The following KCTD3 variants were observed in gnomAD, a reference collection of about 807,000 sequenced individuals.
KCTD3 encodes BTB/POZ domain-containing protein KCTD3.
Under a neutral mutation model 85.8 loss-of-function variants are expected in KCTD3, and 41 were observed. The observed-to-expected ratio is 0.48, with a 90% CI of 0.37 to 0.62. The LOEUF (loss-of-function observed/expected upper bound fraction) is 0.62. Ranked by LOEUF, KCTD3 falls within the 20% of genes least tolerant of loss-of-function variation. The pLI is 0.00. For synonymous variants in KCTD3, 338 were observed against 345.4 expected, an observed-to-expected ratio of 0.98 and a Z score of 0.24; for missense variants, 724 against 989.9, an observed-to-expected ratio of 0.73 and a Z score of 3.60.
intron 9 of KCTD3, among the ~76,000 whole-genome samples, chr1:215,591,287 TTTCCTTCCTTCCTTCC>T (rs10592000): frequency 0.011 from 1,192 of 111,030 alleles, 14 homozygotes; most frequent in East Asian, 0.02. Context: ...TCCTTCCTTC[TTTCCTTCCTTCCTTCC>T]TTCCTTCCTT....
chr1:215,570,027 A>G (rs1382460770), intron 1 of KCTD3, among the ~76,000 whole-genome samples: 1 of 152,236 alleles, frequency 6.6e-6, no homozygotes, highest in Non-Finnish European at 1.5e-5. Context: ...TTTTAGAGCT[A>G]GATGAGATCT....
Position 215,577,746 on chromosome 1 carries a change from A to T in KCTD3, c.316+18A>T, listed in dbSNP as rs553442573. On this transcript the variant is annotated intron_variant, in intron 5 of 17. Coordinates refer to ENST00000259154, the MANE Select transcript of KCTD3 (RefSeq NM_016121.5). Reference sequence around the variant, plus strand: ...TCCATTAGGTATGTGCTCTTTTAATATTTGGTGTTTATGATTTGACTCATG... The same window carrying T: ...TCCATTAGGTATGTGCTCTTTTAATTTTTGGTGTTTATGATTTGACTCATG... 65 of 1,555,702 alleles carry T rather than the reference A, an allele frequency of 4.2e-5. 1 individual carries two copies. In the South Asian group the frequency reaches 7.2e-4, roughly 17 times the overall value.
At position 215,578,075 on chromosome 1, in the gene KCTD3, C is replaced by T. The variant is rs1659657246; in HGVS notation, c.391C>T (p.Pro131Ser). 5 of 1,609,270 alleles carry T rather than the reference C, an allele frequency of 3.1e-6. No homozygotes were observed. The East Asian group carries it at 1.1e-4, about 36-fold the overall frequency. ...TGTCCTTTTTCATGGTTACTTGCCCCCACCAGGTATTTTCACTTTATTAAA... is the reference window on the plus strand; with the variant it reads ...TGTCCTTTTTCATGGTTACTTGCCCTCACCAGGTATTTTCACTTTATTAAA... ...GSVLFHGYLP[P>S]PGIPSRKINN... Residue 131 changes from proline to serine, a missense_variant, in exon 6 of 18, where the codon CCA (proline) becomes TCA (serine). This residue lies in a region of KCTD3 where 106 missense variants were observed against 98.2 expected (regional missense o/e 1.08). Transcript: ENST00000259154.
chr1:215,602,575 A>G (rs1183441429), intron 12 of KCTD3, among the ~76,000 whole-genome samples: 2 of 152,092 alleles, frequency 1.3e-5, no homozygotes, highest in African/African-American at 4.8e-5. Context: ...TTCTTAGACT[A>G]CTGCTGGAAA....
chr1:215,581,455 G>T (rs540238535), intron 8 of KCTD3, among the ~76,000 whole-genome samples: 1 of 152,130 alleles, frequency 6.6e-6, no homozygotes, highest in Non-Finnish European at 1.5e-5. Context: ...GTAGACCCTT[G>T]TTTACATATT....
intron 15 of KCTD3, among the ~76,000 whole-genome samples, chr1:215,616,656 A>G (rs528480781): frequency 2.6e-5 from 4 of 152,288 alleles, no homozygotes; most frequent in African/African-American, 9.6e-5. Flanking sequence ...GCTACTCAGG[A>G]GGCTGAGGCA....
At chr1:215,580,125 C>A (rs532616941) in intron 8 of KCTD3, 126 bp downstream of exon 8, 7 of 628,348 alleles carry the variant, frequency 1.1e-5, no homozygotes, top group Non-Finnish European at 2.0e-5. Flanking sequence ...CATATTTTAC[C>A]CATGTCTGTA....
At chr1:215,595,509 T>A (rs1660386846) in intron 10 of KCTD3, 38 bp downstream of exon 10, 1 of 1,188,456 alleles carries the variant, frequency 8.4e-7, no homozygotes, top group Non-Finnish European at 1.3e-6. Flanking sequence ...AAAATATTTC[T>A]GAAATGTATG....
Position 215,567,713 on chromosome 1 carries a change from C to T in KCTD3, c.28C>T (p.Pro10Ser). ...GGCGGGAGGGCACTGCGGCAGCTTC[C>T]CCGCGGCGGCGGCCGGCAGCGGCGA... MAGGHCGSF[P>S]AAAAGSGEIV... is the part of the protein sequence containing the mutation. Residue 10 changes from proline to serine, a missense_variant, in exon 1 of 18, where the codon CCC (proline) becomes TCC (serine). Coordinates refer to ENST00000259154, the MANE Select transcript of KCTD3 (RefSeq NM_016121.5). 1 of 1,242,722 alleles carries T rather than the reference C, an allele frequency of 8.0e-7. No individual in the cohort carries two copies. The highest frequency in any genetic ancestry group is 4.1e-5 in the South Asian group (1 of 24,406). The allele number at this position is 1,242,722 out of a possible 1,614,324, so 77.0% of individuals were successfully genotyped here. A position where few individuals can be genotyped will look rare whatever the true frequency, so the allele number is the denominator to read the frequency against.
At chr1:215,583,651 C>G (rs1031174835) in intron 8 of KCTD3, among the ~76,000 whole-genome samples, 1 of 152,178 alleles carries the variant, frequency 6.6e-6, no homozygotes, top group Non-Finnish European at 1.5e-5. Context: ...CTGGTTTGAA[C>G]ACCTCTGACA....
chr1:215,601,748 C>G, intron 10 of KCTD3, 119 bp from the exon 11 acceptor site: 1 of 619,270 alleles, frequency 1.6e-6, no homozygotes, highest in Non-Finnish European at 2.9e-6. Flanking sequence ...TTCCTAAGCC[C>G]TACTAAAATT....
intron 1 of KCTD3, among the ~76,000 whole-genome samples, chr1:215,572,716 A>T (rs141973857): frequency 1.1e-3 from 168 of 152,360 alleles, no homozygotes; most frequent in African/African-American, 3.9e-3. Context: ...AGCCTGGGAA[A>T]CATCCCTTAG....
At chr1:215,586,386 G>GTTTTTTTTTTTTTTTTTTTTTTTTTTTTT in intron 8 of KCTD3, 109 bp from the exon 9 acceptor site, 1 of 820,766 alleles carries the variant, frequency 1.2e-6, no homozygotes, top group Non-Finnish European at 1.9e-6. Context: ...TAACTGTTTA[G>GTTTTTTTTTTTTTTTTTTTTTTTTTTTTT]TTTTTTTTTT....
intron 10 of KCTD3, among the ~76,000 whole-genome samples, chr1:215,600,220 A>G (rs1654779772): frequency 6.6e-6 from 1 of 152,228 alleles, no homozygotes. Flanking sequence ...TTTCTTGTGT[A>G]ACTCATAACT....
chr1:215,570,495 C>T (rs959922954), intron 1 of KCTD3, among the ~76,000 whole-genome samples: 1 of 152,150 alleles, frequency 6.6e-6, no homozygotes, highest in South Asian at 2.1e-4. Context: ...ATTGAGGACT[C>T]CTGGACAAAG....
In KCTD3 at chr1:215,588,819, A is replaced by G. The variant is rs372777136; in HGVS notation, c.817+2134A>G. On this transcript the variant is annotated intron_variant, in intron 9 of 17. Transcript: ENST00000259154. The stretch of plus-strand genomic sequence containing the variant: ...ATATATTCATCTGTTTGCAAGGCAA[A>G]AATACAATTCTACAGACAAGAGATT... Among the ~76,000 whole-genome samples, 133 of 152,332 alleles carry G rather than the reference A, an allele frequency of 8.7e-4. 3 individuals carry two copies. In the South Asian group the frequency reaches 0.027, roughly 31 times the overall value.
intron 1 of KCTD3, 137 bp downstream of exon 1, chr1:215,567,905 G>A: frequency 1.9e-6 from 1 of 521,474 alleles, no homozygotes; most frequent in Non-Finnish European, 2.9e-6. Context: ...GGGCCTCCAG[G>A]CGGCAAGAAC....
At chr1:215,581,035 G>A in intron 8 of KCTD3, 2 of 441,384 alleles carry the variant, frequency 4.5e-6, no homozygotes, top group Middle Eastern at 3.4e-4. Flanking sequence ...GCCGAGATGG[G>A]TGGAGTTCAA....
In KCTD3 at chr1:215,620,476, A is replaced by T. The variant is rs1442259199; in HGVS notation, c.2306A>T (p.Lys769Ile). ...GGGGGAGGATTCCTTGGAAGAAAGA[A>T]AGTTCCCTATCTGGCGTCATCACCA... Reference protein sequence around the residue: ...FEGGGFLGRKKVPYLASSPST... With the variant: ...FEGGGFLGRKIVPYLASSPST... Residue 769 changes from lysine to isoleucine, a missense_variant, in exon 18 of 18, where the codon AAA becomes ATA. Physicochemically the swap from Lys to Ile is moderately radical, Grantham distance 102. Coordinates refer to ENST00000259154, the MANE Select transcript of KCTD3 (RefSeq NM_016121.5). The T allele has an allele frequency of 2.5e-6, 4 of 1,613,796 alleles. No individual in the cohort carries two copies. Among genetic ancestry groups the T allele is most frequent in the East Asian group, 2.2e-5 (1 of 44,870 alleles).
Sources: gnomAD v4.1 joint callset for allele counts (sites outside exome capture counted in the v4.1 genomes callset) on GRCh38, gnomAD v4.1.1 for gene constraint, gnomAD v4.1.1 regional missense constraint, MANE v1.5 for transcripts, NCBI Gene and HGNC (gene_info 2026-07-23, HGNC 2026-07-21) for gene names.